MALRD1: variants seen among roughly 807,000 people sequenced by gnomAD.
The protein encoded by MALRD1 is MAM and LDL receptor class A domain containing 1.
MALRD1 carries 247 observed loss-of-function variants against 242.1 expected under a neutral mutation model. That is an observed-to-expected ratio of 1.02 (90% confidence interval 0.92 to 1.13). The LOEUF (loss-of-function observed/expected upper bound fraction) is 1.13. Among genes scored for constraint, MALRD1 ranks in the 50% most tolerant of loss-of-function variants. MALRD1 has a pLI of 0.00. For synonymous variants in MALRD1, 995 were observed against 866.6 expected (o/e 1.15, Z -2.60); for missense variants, 2,989 against 2,533.1 (o/e 1.18, Z -3.86).
chr10:19,195,248 A>G (rs746009934), intron 14 of MALRD1, among the ~76,000 whole-genome samples: 2 of 152,192 alleles, frequency 1.3e-5, no homozygotes, highest in Admixed American at 6.5e-5. Flanking sequence ...AGGTAACCAC[A>G]TTTTCCATTT....
intron 38 of MALRD1, among the ~76,000 whole-genome samples, chr10:19,695,126 A>T (rs1276457833): frequency 1.3e-5 from 2 of 152,178 alleles, no homozygotes; most frequent in Non-Finnish European, 2.9e-5. Flanking sequence ...AATGTAAATG[A>T]TGAGTTAATG....
intron 2 of MALRD1, among the ~76,000 whole-genome samples, chr10:19,078,105 G>C (rs1186315831): frequency 1.3e-5 from 2 of 151,462 alleles, no homozygotes; most frequent in East Asian, 3.9e-4. Context: ...ATTATCATTA[G>C]GATTTAAATT....
intron 21 of MALRD1, among the ~76,000 whole-genome samples, chr10:19,293,367 C>T (rs1489938492): frequency 6.6e-6 from 1 of 152,150 alleles, no homozygotes; most frequent in Non-Finnish European, 1.5e-5. Flanking sequence ...AGCATTCTGG[C>T]AGTATTGCCA....
intron 28 of MALRD1, among the ~76,000 whole-genome samples, chr10:19,437,692 A>G (rs964447550): frequency 2.6e-5 from 4 of 152,102 alleles, no homozygotes; most frequent in Non-Finnish European, 4.4e-5. Context: ...CTAATGTTAT[A>G]TACTAATGCT....
intron 36 of MALRD1, among the ~76,000 whole-genome samples, chr10:19,671,929 T>TC (rs1262612230): frequency 6.6e-6 from 1 of 152,100 alleles, no homozygotes; most frequent in Non-Finnish European, 1.5e-5. Context: ...CTTGCTCTTT[T>TC]CTTTTTTTTT....
intron 26 of MALRD1, among the ~76,000 whole-genome samples, chr10:19,372,682 G>A (rs1270815259): frequency 1.3e-5 from 2 of 151,878 alleles, no homozygotes. Flanking sequence ...TGGCCAGGAT[G>A]GTTTCAAACT....
chr10:19,132,200 C>T (rs755419706), intron 8 of MALRD1, among the ~76,000 whole-genome samples: 34 of 152,204 alleles, frequency 2.2e-4, no homozygotes, highest in Middle Eastern at 6.8e-3. Flanking sequence ...AAAATGAAAA[C>T]GGGGAAAGTG....
At chr10:19,524,891 A>T (rs1834034223) in intron 31 of MALRD1, among the ~76,000 whole-genome samples, 1 of 136,338 alleles carries the variant, frequency 7.3e-6, no homozygotes, top group African/African-American at 3.1e-5. Flanking sequence ...TTTATTTTTT[A>T]AATTTTATTA....
chr10:19,544,906 T>G (rs765434687), intron 32 of MALRD1, among the ~76,000 whole-genome samples: 1 of 152,218 alleles, frequency 6.6e-6, no homozygotes, highest in Non-Finnish European at 1.5e-5. Flanking sequence ...CACTCTTTAT[T>G]AATGCCTATG....
At chr10:19,708,056 TAA>T (rs1270004540) in intron 38 of MALRD1, among the ~76,000 whole-genome samples, 3 of 110,780 alleles carry the variant, frequency 2.7e-5, no homozygotes, top group Non-Finnish European at 4.1e-5. Flanking sequence ...AGTGAGAAAA[TAA>T]AAAAAAAAGC....
At chr10:19,292,068 G>A (rs1402218130) in intron 21 of MALRD1, among the ~76,000 whole-genome samples, 1 of 113,858 alleles carries the variant, frequency 8.8e-6, no homozygotes, top group Non-Finnish European at 1.7e-5. Flanking sequence ...GGATGACAGA[G>A]CAAGACCGTC....
At chr10:19,718,113 A>AGAAGAG (rs1554830205) in intron 38 of MALRD1, among the ~76,000 whole-genome samples, 31 of 149,494 alleles carry the variant, frequency 2.1e-4, no homozygotes, top group African/African-American at 7.5e-4. Context: ...AAGAGGAAGA[A>AGAAGAG]GAAGAAGAAG....
At chr10:19,487,617 T>C (rs1837293737) in intron 29 of MALRD1, among the ~76,000 whole-genome samples, 1 of 151,946 alleles carries the variant, frequency 6.6e-6, no homozygotes, top group Non-Finnish European at 1.5e-5. Flanking sequence ...TTACATCCTA[T>C]GGCATGGAAA....
In MALRD1 at chr10:19,205,042, G is replaced by A. The variant is rs376998079; in HGVS notation, c.2355G>A (p.Ser785=). 22 of 1,550,678 alleles carry A rather than the reference G, an allele frequency of 1.4e-5. No homozygotes were observed. Among genetic ancestry groups the A allele is most frequent in the South Asian group, 3.6e-5 (3 of 84,058 alleles). Reference sequence around the variant, plus strand: ...CAACCATTCAGCTAGGGCGCCTTTCGCAGCCCTTCCATTTGTCACTAGATA... The same window carrying A: ...CAACCATTCAGCTAGGGCGCCTTTCACAGCCCTTCCATTTGTCACTAGATA... ...LEATIQLGRL[S]QPFHLSLDKV... The change falls in exon 17 of 40, where the codon TCG becomes TCA. Residue 785 remains serine, a synonymous_variant. Coordinates refer to ENST00000454679, the MANE Select transcript of MALRD1 (RefSeq NM_001142308.3).
At chr10:19,683,158 CA>C (rs1842445518) in intron 36 of MALRD1, among the ~76,000 whole-genome samples, 1 of 151,526 alleles carries the variant, frequency 6.6e-6, no homozygotes, top group Non-Finnish European at 1.5e-5. Flanking sequence ...AAGAAGTTTT[CA>C]AAATGGCAGA....
At chr10:19,170,968 T>G (rs1834895545) in intron 13 of MALRD1, among the ~76,000 whole-genome samples, 1 of 152,250 alleles carries the variant, frequency 6.6e-6, no homozygotes, top group African/African-American at 2.4e-5. Context: ...TACTCTCTAC[T>G]CCTTCTTACT....
intron 19 of MALRD1, among the ~76,000 whole-genome samples, chr10:19,279,657 C>T (rs1840709026): frequency 6.6e-6 from 1 of 152,120 alleles, no homozygotes; most frequent in African/African-American, 2.4e-5. Context: ...TTTATTGTAG[C>T]AGTGGAAGAA....
chr10:19,498,578 A>G lies in MALRD1; in HGVS notation c.5252A>G (p.Asp1751Gly). 1 of 1,550,434 alleles carries G rather than the reference A, an allele frequency of 6.4e-7. No homozygotes were observed. The highest frequency in any genetic ancestry group is 8.7e-7 in the Non-Finnish European group (1 of 1,146,868). The change falls in exon 31 of 40, where the codon GAC becomes GGC. Residue 1751 changes from aspartate to glycine, a missense_variant. Physicochemically the swap from Asp to Gly is moderately conservative, Grantham distance 94. Coordinates refer to ENST00000454679, the MANE Select transcript of MALRD1 (RefSeq NM_001142308.3). ...AGTCTTACTCAAGACTCTGAGGATG[A>G]CTTGGACTGGGCCATTGGCAGCAGA... ...ACSLTQDSED[D>G]LDWAIGSRIP...
rs112761498 is a variant in MALRD1 at position 19,532,865 on chromosome 10, T to A, written c.5478+1514T>A. ...AAAAATTTTAAATTATTTTTCATAG[T>A]TTTTACATCTAATCGATGAATATTC... On this transcript the variant is annotated intron_variant, in intron 32 of 39. Transcript: ENST00000454679. Among the ~76,000 whole-genome samples, 956 of 152,316 alleles carry A rather than the reference T, an allele frequency of 6.3e-3. 9 individuals are homozygous for A. Among genetic ancestry groups the A allele is most frequent in the African/African-American group, 0.019 (805 of 41,578 alleles).
Sources: gnomAD v4.1 joint callset for allele counts (sites outside exome capture counted in the v4.1 genomes callset) on GRCh38, gnomAD v4.1.1 for gene constraint, MANE v1.5 for transcripts, NCBI Gene and HGNC (gene_info 2026-07-23, HGNC 2026-07-21) for gene names.